The following RSF1 variants were observed in gnomAD, a reference collection of about 807,000 sequenced individuals.
The protein encoded by RSF1 is remodeling and spacing factor 1.
A neutral mutation model predicts 145.2 loss-of-function variants in RSF1; 13 were observed. The ratio of observed to expected loss-of-function variants is 0.09; its 90% confidence interval spans 0.06 to 0.14. RSF1 has a LOEUF of 0.14. Ranked by LOEUF, RSF1 falls within the 10% of genes least tolerant of loss-of-function variation. The probability of loss-of-function intolerance (pLI) is 1.00; values close to 1 mark genes in which losing one functional copy is unlikely to be tolerated. For missense variants in RSF1, 1,517 were observed against 1,718.2 expected, an observed-to-expected ratio of 0.88 and a Z score of 2.07; for synonymous variants, 577 against 592.6, an observed-to-expected ratio of 0.97 and a Z score of 0.38.
chr11:77,785,586 A>G (rs1948445851), intron 1 of RSF1, among the ~76,000 whole-genome samples: 1 of 151,002 alleles, frequency 6.6e-6, no homozygotes, highest in Admixed American at 6.6e-5. Flanking sequence ...GCGAAACTCC[A>G]TCTCAAAAAA....
chr11:77,815,754 AT>A (rs1198939205), intron 1 of RSF1, among the ~76,000 whole-genome samples: 3 of 139,782 alleles, frequency 2.1e-5, no homozygotes, highest in African/African-American at 7.4e-5. Context: ...TTTTAAAAAA[AT>A]AATCCCCACA....
At chr11:77,725,404 A>G (rs1268047494) in intron 5 of RSF1, 141 bp downstream of exon 5, 1 of 612,238 alleles carries the variant, frequency 1.6e-6, no homozygotes, top group Admixed American at 4.2e-5. Context: ...TCTTTAAATT[A>G]AGGAAAAATC....
the RSF1 span, among the ~76,000 whole-genome samples, chr11:77,834,444 T>TTG: frequency 6.8e-6 from 1 of 146,034 alleles, no homozygotes; most frequent in Non-Finnish European, 1.5e-5. Context: ...TGATTTTGTT[T>TTG]TTTTTTTTTT....
intron 4 of RSF1, among the ~76,000 whole-genome samples, chr11:77,732,665 G>T (rs948478815): frequency 6.6e-6 from 1 of 152,116 alleles, no homozygotes; most frequent in Non-Finnish European, 1.5e-5. Context: ...TTAAAAACAG[G>T]AGTTCCCTGC....
At chr11:77,798,009 G>A (rs1367999307) in intron 1 of RSF1, among the ~76,000 whole-genome samples, 2 of 152,224 alleles carry the variant, frequency 1.3e-5, no homozygotes, top group East Asian at 3.8e-4. Context: ...GGAAACAACA[G>A]ATGCTGGAGA....
At chr11:77,810,703 G>C (rs1284436387) in intron 1 of RSF1, among the ~76,000 whole-genome samples, 1 of 152,118 alleles carries the variant, frequency 6.6e-6, no homozygotes, top group Admixed American at 6.6e-5. Flanking sequence ...TGGGATTACA[G>C]GTGTATCCCA....
chr11:77,828,670 G>GAAAA, the RSF1 span, among the ~76,000 whole-genome samples: 1 of 83,928 alleles, frequency 1.2e-5, no homozygotes. Context: ...ACTCCATCTC[G>GAAAA]AAAAAAAAAA....
chr11:77,794,471 C>A (rs1027563081), intron 1 of RSF1, among the ~76,000 whole-genome samples: 3 of 151,616 alleles, frequency 2.0e-5, no homozygotes, highest in African/African-American at 7.3e-5. Context: ...TTACTTGAGC[C>A]CAGGAGTTCA....
Position 77,791,224 on chromosome 11 carries a change from C to T in RSF1, c.188-26535G>A, listed in dbSNP as rs1948513931. On this transcript the variant is annotated intron_variant, in intron 1 of 15. Coordinates refer to ENST00000308488, the MANE Select transcript of RSF1 (RefSeq NM_016578.4). ...CTTCTGTGCACCCACAGGCTCAACA[C>T]CAAATGGAAGTTGCCAAGGCTTGAG... is the stretch of plus-strand genomic sequence containing the variant. Among the ~76,000 whole-genome samples the T allele has an allele frequency of 3.9e-5, 6 of 152,184 alleles. No individual in the cohort carries two copies. In the South Asian group the frequency reaches 1.2e-3, roughly 32 times the overall value.
intron 1 of RSF1, among the ~76,000 whole-genome samples, chr11:77,776,158 T>C (rs1948339964): frequency 6.6e-6 from 1 of 152,024 alleles, no homozygotes; most frequent in Non-Finnish European, 1.5e-5. Context: ...AAGGCTGTAG[T>C]GAGTGATTGC....
upstream of RSF1, among the ~76,000 whole-genome samples, chr11:77,824,874 A>G (rs1213448833): frequency 1.3e-5 from 2 of 152,194 alleles, no homozygotes; most frequent in East Asian, 3.8e-4. Context: ...GTTTATTCCT[A>G]TATAATCCCA....
chr11:77,768,161 C>CTTTTTTTTTTTT, intron 1 of RSF1, among the ~76,000 whole-genome samples: 1 of 122,816 alleles, frequency 8.1e-6, no homozygotes, highest in Non-Finnish European at 1.6e-5. Context: ...ATATTATCAG[C>CTTTTTTTTTTTT]TTTTTTTTTT....
At chr11:77,753,405 T>C (rs1051347750) in intron 2 of RSF1, among the ~76,000 whole-genome samples, 1 of 152,154 alleles carries the variant, frequency 6.6e-6, no homozygotes, top group African/African-American at 2.4e-5. Flanking sequence ...TAAATGACAA[T>C]GGCCCTTCCC....
intron 1 of RSF1, among the ~76,000 whole-genome samples, chr11:77,816,543 A>G (rs1565189803): frequency 6.6e-6 from 1 of 152,254 alleles, no homozygotes; most frequent in South Asian, 2.1e-4. Flanking sequence ...TCAGCCAACC[A>G]TAGTATAAAC....
chr11:77,870,329 A>ATTTTTTTTTT, the RSF1 span, among the ~76,000 whole-genome samples: 1 of 87,982 alleles, frequency 1.1e-5, no homozygotes, highest in Non-Finnish European at 2.2e-5. Flanking sequence ...CTATTTTTTA[A>ATTTTTTTTTT]TTTTTTTTTT....
rs148861134 is a variant in RSF1, at chr11:77,777,937, G to C, written c.188-13248C>G. ...AGAAGCATCATTATCTCAATACCTA[G>C]TTCTTATGTGCATAAAATCTAACCT... On this transcript the variant is annotated intron_variant, in intron 1 of 15. Coordinates refer to ENST00000308488, the MANE Select transcript of RSF1 (RefSeq NM_016578.4). Among the ~76,000 whole-genome samples the C allele has an allele frequency of 1.2e-3, 182 of 149,058 alleles. 3 individuals carry two copies. The highest frequency in any genetic ancestry group is 0.01 in the South Asian group (47 of 4,630).
chr11:77,822,919 T>G (rs1174442813), upstream of RSF1, among the ~76,000 whole-genome samples: 1 of 152,118 alleles, frequency 6.6e-6, no homozygotes, highest in African/African-American at 2.4e-5. Context: ...AAAAAGCTTT[T>G]AAGAAATTAA....
At chr11:77,740,249 C>T (rs1961475753) in intron 4 of RSF1, among the ~76,000 whole-genome samples, 1 of 152,234 alleles carries the variant, frequency 6.6e-6, no homozygotes, top group South Asian at 2.1e-4. Context: ...GTGGCACACG[C>T]CTGTAATCCC....
chr11:77,823,978 A>C (rs147518994), upstream of RSF1, among the ~76,000 whole-genome samples: 582 of 152,328 alleles, frequency 3.8e-3, 3 homozygotes, highest in African/African-American at 0.013. Flanking sequence ...CTGTTAGTCA[A>C]ACAGACTGAT....
Sources: gnomAD v4.1 joint callset for allele counts (sites outside exome capture counted in the v4.1 genomes callset) on GRCh38, gnomAD v4.1.1 for gene constraint, MANE v1.5 for transcripts, NCBI Gene and HGNC (gene_info 2026-07-23, HGNC 2026-07-21) for gene names.